VWF: variants seen among roughly 807,000 people sequenced by gnomAD.
The protein encoded by VWF is Factor VIII related antigen.
In VWF, 176 loss-of-function variants were observed where a neutral mutation model predicts 308.6. The observed-to-expected ratio is 0.57, with a 90% CI of 0.50 to 0.65. VWF has a LOEUF of 0.65. Among genes scored for constraint, VWF ranks in the 30% least tolerant of loss-of-function variants. The pLI is 0.00. For synonymous variants in VWF, 1,385 were observed against 1,443.4 expected (o/e 0.96, Z 0.92); for missense variants, 3,146 against 3,648.2 (o/e 0.86, Z 3.55).
intron 27 of VWF, chr12:6,021,043 C>T (rs914469361): frequency 1.3e-5 from 2 of 152,256 alleles, no homozygotes; most frequent in African/African-American, 2.4e-5. Flanking sequence ...CCGTGATCCA[C>T]AAGATTTATT....
In VWF at chr12:6,057,917, T is replaced by C; in HGVS notation, c.1661A>G (p.Lys554Arg). ...PRVEDFGNAW[K>R]LHGDCQDLQK... ...CAGGTCCTGGCAGTCCCCGTGCAGCTTCCAGGCGTTCCCGAAGTCCTCCAC... is the reference window on the plus strand; with the variant it reads ...CAGGTCCTGGCAGTCCCCGTGCAGCCTCCAGGCGTTCCCGAAGTCCTCCAC... Residue 554 changes from lysine to arginine, a missense_variant, in exon 14 of 52, where the codon AAG becomes AGG. Physicochemically the swap from Lys to Arg is conservative, Grantham distance 26. This residue lies in a region of VWF where 1,304 missense variants were observed against 1,353.0 expected (regional missense o/e 0.96). Coordinates refer to ENST00000261405, the MANE Select transcript of VWF (RefSeq NM_000552.5). 15 of 1,613,614 alleles carry C rather than the reference T, an allele frequency of 9.3e-6. No homozygotes were observed. The highest frequency in any genetic ancestry group is 1.3e-5 in the Non-Finnish European group (15 of 1,179,936).
At chr12:6,051,318 G>A (rs1591885540) in intron 16 of VWF, among the ~76,000 whole-genome samples, 1 of 133,538 alleles carries the variant, frequency 7.5e-6, no homozygotes, top group African/African-American at 2.9e-5. Flanking sequence ...TTGAGATAGA[G>A]TCTCGCTCTG....
At chr12:6,092,093 G>C (rs1945040947) in intron 6 of VWF, among the ~76,000 whole-genome samples, 1 of 152,080 alleles carries the variant, frequency 6.6e-6, no homozygotes, top group African/African-American at 2.4e-5. Flanking sequence ...GTATAGGCAG[G>C]GGCCACCCTC....
chr12:6,029,662 A>G (rs1381939046), intron 21 of VWF, among the ~76,000 whole-genome samples, 174 bp from the exon 22 acceptor site: 1 of 152,180 alleles, frequency 6.6e-6, no homozygotes, highest in East Asian at 1.9e-4. Context: ...CCACGCCAGG[A>G]CATGTCTGTG....
rs1450986561 is a variant in VWF, at chr12:6,058,444, G to T, written c.1534-400C>A. Among the ~76,000 whole-genome samples, 1 of 152,182 alleles carries T rather than the reference G, an allele frequency of 6.6e-6. No homozygotes were observed. The highest frequency in any genetic ancestry group is 1.5e-5 in the Non-Finnish European group (1 of 68,038). On this transcript the variant is annotated intron_variant, in intron 13 of 51. Coordinates refer to ENST00000261405, the MANE Select transcript of VWF (RefSeq NM_000552.5). This position sits in a 1 kb window ranked among gnomAD's most constrained non-coding sequence, Gnocchi z 4.9. ...TGCCCTCTGTGCCATCCACACCAGT[G>T]GGCCTGACCCCCCCACCCAGAGTTA...
chr12:6,048,938 T>C (rs1467901776), intron 16 of VWF, among the ~76,000 whole-genome samples: 2 of 152,200 alleles, frequency 1.3e-5, no homozygotes, highest in Non-Finnish European at 2.9e-5. Context: ...GTAAATGTCA[T>C]GTTCAATCTG....
At chr12:6,106,875 CA>C (rs201177758) in intron 5 of VWF, among the ~76,000 whole-genome samples, 783 of 34,858 alleles carry the variant, frequency 0.022, 3 homozygotes, top group African/African-American at 0.051. Context: ...AACTCCGACT[CA>C]AAAAAAAAAA....
intron 16 of VWF, among the ~76,000 whole-genome samples, chr12:6,048,228 T>C (rs2283335): frequency 0.39 from 59,683 of 151,876 alleles, 12,971 homozygotes; most frequent in African/African-American, 0.57. Flanking sequence ...AGTGCAGTGG[T>C]TCGATCTCGG....
chr12:6,064,353 C>T lies in VWF; in HGVS notation c.1325G>A (p.Arg442His), dbSNP rs199665748. 292 of 1,614,008 alleles carry T rather than the reference C, an allele frequency of 1.8e-4. No individual in the cohort carries two copies. The highest frequency in any genetic ancestry group is 2.3e-4 in the Admixed American group (14 of 60,004). Residue 442 changes from arginine (R) to histidine (H), a missense_variant, in exon 12 of 52, where the codon CGC (arginine) becomes CAC (histidine). Physicochemically the swap from Arg to His is conservative, Grantham distance 29. Transcript: ENST00000261405. ...CADDRDAVCT[R>H]SVTVRLPGLH... is the part of the protein sequence containing the mutation. The stretch of plus-strand genomic sequence containing the variant: ...GCCAGGCAGCCGGACGGTGACGGAG[C>T]GGGTGCACACAGCGTCGCGGTCATC...
intron 44 of VWF, among the ~76,000 whole-genome samples, chr12:5,969,992 C>G (rs1943452540): frequency 6.6e-6 from 1 of 152,212 alleles, no homozygotes; most frequent in Non-Finnish European, 1.5e-5. Context: ...TGTCGGCCAG[C>G]ACCCAGATAT....
At position 5,967,619 on chromosome 12, in the gene VWF, C is replaced by A. The variant is rs774754009; in HGVS notation, c.7771-17G>T. 15 of 1,610,182 alleles carry A rather than the reference C, an allele frequency of 9.3e-6. No individual in the cohort carries two copies. Among genetic ancestry groups the A allele is most frequent in the Middle Eastern group, 1.7e-4 (1 of 6,016 alleles). ...CTTCCCGGGCTGGAAGCAGAGGCAC[C>A]AGGGTCAGGCCCCCCAGCATCCCCC... On this transcript the variant is annotated splice_polypyrimidine_tract_variant and intron_variant, in intron 46 of 51. Transcript: ENST00000261405.
intron 13 of VWF, among the ~76,000 whole-genome samples, chr12:6,062,558 C>T (rs939199616): frequency 5.3e-5 from 8 of 152,008 alleles, no homozygotes; most frequent in African/African-American, 1.2e-4. Context: ...CAACCTTTCC[C>T]GGGCAGGCTT....
chr12:6,109,135 C>T (rs1447177166), intron 5 of VWF, among the ~76,000 whole-genome samples: 2 of 151,882 alleles, frequency 1.3e-5, no homozygotes, highest in African/African-American at 2.4e-5. Context: ...TATAATTCCA[C>T]TAGGAAGGCT....
intron 7 of VWF, 38 bp from the exon 8 acceptor site, chr12:6,073,779 T>C (rs1944808227): frequency 2.5e-6 from 4 of 1,612,780 alleles, no homozygotes; most frequent in South Asian, 1.1e-5. Context: ...CCAGGGCAGG[T>C]CCCACCGGTG....
Position 6,063,787 on chromosome 12 carries a change from T to C in VWF, c.1432+459A>G, listed in dbSNP as rs565970457. On this transcript the variant is annotated intron_variant, in intron 12 of 51. Coordinates refer to ENST00000261405, the MANE Select transcript of VWF (RefSeq NM_000552.5). The surrounding 1 kb of genome is among the most constrained non-coding windows in gnomAD (Gnocchi z 4.9). ...TGAAGATACTGGACAGGTAGGTTTTTTGCTACCTCTAGACAGGCCAGAGGG... is the reference window on the plus strand; with the variant it reads ...TGAAGATACTGGACAGGTAGGTTTTCTGCTACCTCTAGACAGGCCAGAGGG... 2.0e-5 allele frequency among the ~76,000 whole-genome samples: 3 copies of C among 152,240 alleles called. No homozygotes were observed. The highest frequency in any genetic ancestry group is 1.3e-4 in the Admixed American group (2 of 15,294).
At chr12:6,062,131 CCTA>C (rs1944660881) in intron 13 of VWF, among the ~76,000 whole-genome samples, 1 of 152,216 alleles carries the variant, frequency 6.6e-6, no homozygotes, top group Non-Finnish European at 1.5e-5. Context: ...ATATAATCCT[CCTA>C]CAAGATCTTG....
At chr12:6,104,478 G>A (rs2136513626) in intron 5 of VWF, among the ~76,000 whole-genome samples, 1 of 151,836 alleles carries the variant, frequency 6.6e-6, no homozygotes, top group Non-Finnish European at 1.5e-5. Context: ...ACGAGGTCAG[G>A]AGTTTGAGAC....
intron 37 of VWF, among the ~76,000 whole-genome samples, chr12:5,992,919 T>C (rs895913838): frequency 6.6e-6 from 1 of 152,178 alleles, no homozygotes; most frequent in Non-Finnish European, 1.5e-5. Context: ...TGCAGGCTGA[T>C]TGGGAGGAGG....
intron 5 of VWF, among the ~76,000 whole-genome samples, chr12:6,104,386 A>T (rs1366668508): frequency 7.5e-6 from 1 of 133,566 alleles, no homozygotes. Context: ...AAAGAACTTT[A>T]AAAAAAAAAA....
Sources: allele counts gnomAD v4.1 joint callset (sites outside exome capture counted in the v4.1 genomes callset), GRCh38; gene constraint gnomAD v4.1.1; regional missense constraint gnomAD v4.1.1; non-coding constraint Gnocchi (gnomAD v3.1); transcripts MANE v1.5; gene names NCBI Gene and HGNC (gene_info 2026-07-23, HGNC 2026-07-21).